Variants in PCDHGA8 observed in about 807,000 individuals in gnomAD.
PCDHGA8 encodes the protein protocadherin gamma subfamily A, 8, also known as protocadherin gamma-A8.
Under a neutral mutation model 59.2 loss-of-function variants are expected in PCDHGA8, and 45 were observed. The observed-to-expected ratio is 0.76, with a 90% confidence interval of 0.60 to 0.98. The LOEUF (loss-of-function observed/expected upper bound fraction) is 0.98, where lower values mean the gene tolerates loss of function less well. Among genes scored for constraint, PCDHGA8 ranks in the 50% least tolerant of loss-of-function variants. The pLI, the probability that PCDHGA8 is intolerant of heterozygous loss-of-function variation, is 0.00. For synonymous variants in PCDHGA8, 531 were observed against 519.0 expected, an observed-to-expected ratio of 1.02 and a Z score of -0.32; for missense variants, 1,257 against 1,196.2, an observed-to-expected ratio of 1.05 and a Z score of -0.75.
intron 1 of PCDHGA8, 104 bp downstream of exon 1, chr5:141,395,341 G>T: frequency 7.1e-7 from 1 of 1,409,696 alleles, no homozygotes; most frequent in Non-Finnish European, 9.4e-7. Flanking sequence ...AATTTTTAAG[G>T]TGTATCACAG....
chr5:141,402,955 G>A (rs753305536), intron 1 of PCDHGA8: 3 of 1,601,910 alleles, frequency 1.9e-6, no homozygotes, highest in Non-Finnish European at 2.6e-6. Context: ...AGGCAGCAAT[G>A]GCAGCTCCAA....
At chr5:141,497,499 C>G (rs1217418941) in intron 2 of PCDHGA8, among the ~76,000 whole-genome samples, 3 of 151,416 alleles carry the variant, frequency 2.0e-5, no homozygotes, top group Non-Finnish European at 4.4e-5. Context: ...TCTCTCTCCT[C>G]TCTCTGCTTC....
At chr5:141,414,899 G>C (rs756810046) in intron 1 of PCDHGA8, 4 of 1,614,182 alleles carry the variant, frequency 2.5e-6, no homozygotes, top group Non-Finnish European at 3.4e-6. Context: ...CCCACAGACG[G>C]TTCCACAGGC....
chr5:141,394,851 C>T lies in PCDHGA8; in HGVS notation c.2038C>T (p.Pro680Ser). Residue 680 changes from proline to serine, a missense_variant, in exon 1 of 4, where the codon CCT becomes TCT. Pro to Ser is a moderately conservative substitution (Grantham distance 74). Coordinates refer to ENST00000398604, the MANE Select transcript of PCDHGA8 (RefSeq NM_032088.2). ...CCTGACCGAGTTGGGCAGTCTGAAG[C>T]CTTCGGTCGACCCGAACGATTCGAG... ...EVLTELGSLK[P>S]SVDPNDSSLT... is the part of the protein sequence containing the mutation. The T allele has an allele frequency of 6.2e-7, 1 of 1,613,824 alleles. No homozygotes were observed. Among genetic ancestry groups the T allele is most frequent in the Non-Finnish European group, 8.5e-7 (1 of 1,179,926 alleles).
chr5:141,493,140 C>T lies in PCDHGA8; in HGVS notation c.2425-1667C>T, dbSNP rs2099746336. Among the ~76,000 whole-genome samples, 1 of 146,374 alleles carries T rather than the reference C, an allele frequency of 6.8e-6. No homozygotes were observed. Among genetic ancestry groups the T allele is most frequent in the African/African-American group, 2.5e-5 (1 of 40,746 alleles). ...GCTCCTAGGACTGTATTTTGAAACACCCCCAGGTGATTTTGATAGCTGATT... is the reference window on the plus strand; with the variant it reads ...GCTCCTAGGACTGTATTTTGAAACATCCCCAGGTGATTTTGATAGCTGATT... On this transcript the variant is annotated intron_variant, in intron 1 of 3. Transcript: ENST00000398604. This position sits in a 1 kb window ranked among gnomAD's most constrained non-coding sequence, Gnocchi z 4.3.
At chr5:141,496,869 A>G (rs2099772006) in intron 2 of PCDHGA8, among the ~76,000 whole-genome samples, 1 of 150,116 alleles carries the variant, frequency 6.7e-6, no homozygotes, top group African/African-American at 2.5e-5. Context: ...GAGACTGAAA[A>G]TTTGCAACAA....
chr5:141,412,918 G>A (rs893690519), intron 1 of PCDHGA8: 17 of 414,102 alleles, frequency 4.1e-5, no homozygotes, highest in Non-Finnish European at 5.5e-5. Context: ...TATCACTTGG[G>A]TGCAGTAACT....
rs375619778 is a variant in PCDHGA8, at chr5:141,399,361, C to G, written c.2424+4124C>G. 11 of 1,613,960 alleles carry G rather than the reference C, an allele frequency of 6.8e-6. No homozygotes were observed. The Admixed American group carries it at 1.8e-4, about 27-fold the overall frequency. On this transcript the variant is annotated intron_variant, in intron 1 of 3. Transcript: ENST00000398604. ...TGGAACCCTAGACCGAGAGCAAACC[C>G]CGGAGTACAATGTCACCATCACAGC...
rs1197761808 is a variant in PCDHGA8 at position 141,395,101 on chromosome 5, C to A, written c.2288C>A (p.Ser763Ter). 1.2e-6 allele frequency: 2 copies of A among 1,614,164 alleles called. No homozygotes were observed. The highest frequency in any genetic ancestry group is 4.5e-5 in the East Asian group (2 of 44,874). Reference protein sequence around the residue: ...YSQEVSLTADSRKSHLIFPQP... With the variant: ...YSQEVSLTAD Reference sequence around the variant, plus strand: ...CAGGAAGTCTCCCTCACCGCCGACTCGCGGAAGAGTCACCTGATCTTTCCC... The same window carrying A: ...CAGGAAGTCTCCCTCACCGCCGACTAGCGGAAGAGTCACCTGATCTTTCCC... The change falls in exon 1 of 4, where the codon TCG becomes TAG. Residue 763 changes from serine (S) to a stop codon, truncating the protein, a stop_gained. Transcript: ENST00000398604. LOFTEE classifies it high-confidence loss of function.
rs532907359 is a variant in PCDHGA8, at chr5:141,500,353, C to T, written c.2484-5040C>T. 1.9e-4 allele frequency among the ~76,000 whole-genome samples: 29 copies of T among 152,052 alleles called. No homozygotes were observed. The East Asian group carries it at 5.2e-3, about 27-fold the overall frequency. The stretch of plus-strand genomic sequence containing the variant: ...CCTCCAGAATAGCTGGGACTACAGG[C>T]GCCCACTACCACGCCCGGCTAATTA... On this transcript the variant is annotated intron_variant, in intron 2 of 3. Transcript: ENST00000398604.
At chr5:141,500,244 T>C (rs1426405294) in intron 2 of PCDHGA8, among the ~76,000 whole-genome samples, 1 of 151,640 alleles carries the variant, frequency 6.6e-6, no homozygotes, top group Non-Finnish European at 1.5e-5. Context: ...AGCCTTGCTC[T>C]GTCACCCAGG....
At chr5:141,453,552 A>G (rs1005017830) in intron 1 of PCDHGA8, among the ~76,000 whole-genome samples, 2 of 152,188 alleles carry the variant, frequency 1.3e-5, no homozygotes, top group Non-Finnish European at 2.9e-5. Flanking sequence ...CACACTCTGT[A>G]GATAATCGAT....
chr5:141,465,519 T>C (rs2099104752), intron 1 of PCDHGA8, among the ~76,000 whole-genome samples: 1 of 152,224 alleles, frequency 6.6e-6, no homozygotes, highest in East Asian at 1.9e-4. Context: ...GGAAGGATTC[T>C]GGGGAAGTTT....
Position 141,511,107 on chromosome 5 carries a change from G to A in PCDHGA8, c.2733G>A (p.Arg911=), listed in dbSNP as rs2099883608. 1 of 1,614,220 alleles carries A rather than the reference G, an allele frequency of 6.2e-7. No homozygotes were observed. Among genetic ancestry groups the A allele is most frequent in the Non-Finnish European group, 8.5e-7 (1 of 1,180,020 alleles). Residue 911 remains arginine, a synonymous_variant, in exon 4 of 4, where the codon CGG becomes CGA. Coordinates refer to ENST00000398604, the MANE Select transcript of PCDHGA8 (RefSeq NM_032088.2). Reference sequence around the variant, plus strand: ...CACTGACCAACGCAGCTGGCAAGCGGGATGGCAAGGCCCCAGCAGGTGGCA... The same window carrying A: ...CACTGACCAACGCAGCTGGCAAGCGAGATGGCAAGGCCCCAGCAGGTGGCA... The part of the protein sequence containing the change: ...NATLTNAAGK[R]DGKAPAGGNG...
chr5:141,437,355 A>C (rs2097877902), intron 1 of PCDHGA8, among the ~76,000 whole-genome samples: 1 of 152,238 alleles, frequency 6.6e-6, no homozygotes, highest in Non-Finnish European at 1.5e-5. Flanking sequence ...ATAGTACCTA[A>C]AATTGGAATG....
intron 1 of PCDHGA8, chr5:141,423,965 T>C (rs911812056): frequency 8.1e-5 from 94 of 1,162,030 alleles, no homozygotes; most frequent in Admixed American, 1.3e-4. Context: ...TATTTTTCTA[T>C]TATCAGTGTA....
intron 2 of PCDHGA8, among the ~76,000 whole-genome samples, chr5:141,496,841 G>C (rs2099771828): frequency 6.6e-6 from 1 of 151,398 alleles, no homozygotes; most frequent in South Asian, 2.1e-4. Context: ...GAACTCATAG[G>C]CTTCCAGACC....
chr5:141,477,504 A>T lies in PCDHGA8; in HGVS notation c.2425-17303A>T, dbSNP rs1396003792. Reference sequence around the variant, plus strand: ...CCACAATCTTCTCAATCTTCCTACGACGTTTACATTGAAGAAAACAACCTC... The same window carrying T: ...CCACAATCTTCTCAATCTTCCTACGTCGTTTACATTGAAGAAAACAACCTC... On this transcript the variant is annotated intron_variant, in intron 1 of 3. Coordinates refer to ENST00000398604, the MANE Select transcript of PCDHGA8 (RefSeq NM_032088.2). This position sits in a 1 kb window ranked among gnomAD's most constrained non-coding sequence, Gnocchi z 4.9. The T allele has an allele frequency of 4.3e-6, 7 of 1,613,982 alleles. No homozygotes were observed. In the Admixed American group the frequency reaches 8.3e-5, roughly 19 times the overall value.
rs774898388 is a variant in PCDHGA8, at chr5:141,491,593, A to G, written c.2425-3214A>G. 6.8e-6 allele frequency: 11 copies of G among 1,613,918 alleles called. No individual in the cohort carries two copies. In the Admixed American group the frequency reaches 1.2e-4, roughly 17 times the overall value. Reference sequence around the variant, plus strand: ...GTGCTTTTCACCGGCCTCGGACGGCAGTGACTTCACTTTTCTAAGACCCCT... The same window carrying G: ...GTGCTTTTCACCGGCCTCGGACGGCGGTGACTTCACTTTTCTAAGACCCCT... On this transcript the variant is annotated intron_variant, in intron 1 of 3. Transcript: ENST00000398604. This position sits in a 1 kb window ranked among gnomAD's most constrained non-coding sequence, Gnocchi z 6.9.
Sources: gnomAD v4.1 joint callset for allele counts (sites outside exome capture counted in the v4.1 genomes callset) on GRCh38, gnomAD v4.1.1 for gene constraint, Gnocchi (gnomAD v3.1) non-coding constraint, MANE v1.5 for transcripts, NCBI Gene and HGNC (gene_info 2026-07-23, HGNC 2026-07-21) for gene names.